THSD7A: variants seen among roughly 807,000 people sequenced by gnomAD.
THSD7A encodes the protein thrombospondin type-1 domain-containing protein 7A.
A neutral mutation model predicts 231.3 loss-of-function variants in THSD7A; 96 were observed. That is an observed-to-expected ratio of 0.41 (90% confidence interval 0.35 to 0.49). THSD7A has a LOEUF of 0.49. THSD7A is among the 20% of genes least tolerant of loss of function. The pLI, the probability that THSD7A is intolerant of heterozygous loss-of-function variation, is 0.05. For missense variants in THSD7A, 2,290 were observed against 2,070.2 expected, an observed-to-expected ratio of 1.11 and a Z score of -2.06; for synonymous variants, 940 against 743.3, an observed-to-expected ratio of 1.26 and a Z score of -4.30.
chr7:11,578,202 C>T (rs998892640), intron 4 of THSD7A, among the ~76,000 whole-genome samples: 6 of 151,972 alleles, frequency 3.9e-5, no homozygotes, highest in East Asian at 1.9e-4. Context: ...CTCAATTCAA[C>T]CAGAAAAGTA....
rs1280957513 is a variant in THSD7A, at chr7:11,462,068, G to A, written c.2444C>T (p.Thr815Ile). ...GGCCTTCTCTTCATAGAGGGGATCTGTGCAGTCTCGGCCCCCGTTGGCTGG... is the reference window on the plus strand; with the variant it reads ...GGCCTTCTCTTCATAGAGGGGATCTATGCAGTCTCGGCCCCCGTTGGCTGG... ...QLPANGGRDCTDPLYEEKACE... is the reference protein window; with the variant it reads ...QLPANGGRDCIDPLYEEKACE... Residue 815 changes from threonine (T) to isoleucine (I), a missense_variant, in exon 10 of 28, where the codon ACA (threonine) becomes ATA (isoleucine). By Grantham distance (89) the Thr-to-Ile change is moderately conservative. Coordinates refer to ENST00000423059, the MANE Select transcript of THSD7A (RefSeq NM_015204.3). 4 of 1,613,842 alleles carry A rather than the reference G, an allele frequency of 2.5e-6. No homozygotes were observed. Among genetic ancestry groups the A allele is most frequent in the Non-Finnish European group, 2.5e-6 (3 of 1,179,774 alleles).
chr7:11,599,036 T>C (rs973919972), intron 2 of THSD7A, among the ~76,000 whole-genome samples: 1 of 151,982 alleles, frequency 6.6e-6, no homozygotes, highest in African/African-American at 2.4e-5. Flanking sequence ...ATAACAGAGG[T>C]AAGGAAAAGT....
At chr7:11,659,709 T>C (rs2078585) in intron 1 of THSD7A, among the ~76,000 whole-genome samples, 1 of 151,528 alleles carries the variant, frequency 6.6e-6, no homozygotes, top group Admixed American at 6.6e-5. Flanking sequence ...ATTCCATAAA[T>C]ACTGTTAATG....
At chr7:11,741,516 GT>G (rs1469270865) in intron 1 of THSD7A, among the ~76,000 whole-genome samples, 1 of 151,790 alleles carries the variant, frequency 6.6e-6, no homozygotes, top group Non-Finnish European at 1.5e-5. Context: ...CTCACGAGTG[GT>G]TTTTTAGTCA....
intron 6 of THSD7A, among the ~76,000 whole-genome samples, chr7:11,526,074 G>A (rs1318548670): frequency 6.6e-6 from 1 of 152,166 alleles, no homozygotes; most frequent in Non-Finnish European, 1.5e-5. Context: ...CTACGTTAAA[G>A]GATCTGATTA....
chr7:11,798,267 C>T (rs980686661), intron 1 of THSD7A, among the ~76,000 whole-genome samples: 1 of 151,948 alleles, frequency 6.6e-6, no homozygotes, highest in African/African-American at 2.4e-5. Flanking sequence ...GTCAAGAGTT[C>T]AAGACCAGCC....
intron 1 of THSD7A, among the ~76,000 whole-genome samples, chr7:11,816,983 A>C (rs1784721391): frequency 6.6e-6 from 1 of 152,212 alleles, no homozygotes; most frequent in Admixed American, 6.5e-5. Flanking sequence ...TGATTCTGTC[A>C]GAAGTTTACA....
chr7:11,541,707 G>C, intron 5 of THSD7A, 76 bp from the exon 6 acceptor site: 1 of 1,390,392 alleles, frequency 7.2e-7, no homozygotes, highest in Non-Finnish European at 1.0e-6. Context: ...TAAAACCTCA[G>C]AGTAAAAGTT....
intron 4 of THSD7A, among the ~76,000 whole-genome samples, chr7:11,548,560 A>G (rs1789494632): frequency 1.3e-5 from 2 of 152,088 alleles, no homozygotes; most frequent in African/African-American, 4.8e-5. Context: ...CAACAACAAA[A>G]AAGAAAACTT....
intron 1 of THSD7A, among the ~76,000 whole-genome samples, chr7:11,782,859 T>C (rs979503044): frequency 1.3e-5 from 2 of 152,184 alleles, no homozygotes; most frequent in Non-Finnish European, 2.9e-5. Context: ...GCTGAAAGTA[T>C]ATACATTTTC....
Position 11,412,690 on chromosome 7 carries a change from G to A in THSD7A, c.3648C>T (p.Asn1216=). ...TATAATCATAGTGGTAGCAGTTTTT[G>A]TTCAGGTTACAGGGTTCTTTCTCAA... ...NAVEKEPCNL[N]KNCYHYDYNV... The change falls in exon 18 of 28, where the codon AAC becomes AAT. Residue 1216 remains asparagine, a synonymous_variant. Transcript: ENST00000423059. 1.2e-6 allele frequency: 2 copies of A among 1,613,782 alleles called. No individual in the cohort carries two copies. The highest frequency in any genetic ancestry group is 1.1e-5 in the South Asian group (1 of 91,060).
chr7:11,402,565 G>T (rs1389920267), intron 22 of THSD7A, among the ~76,000 whole-genome samples: 1 of 152,110 alleles, frequency 6.6e-6, no homozygotes, highest in Non-Finnish European at 1.5e-5. Context: ...TTTATTGAAG[G>T]ATAACAAACA....
chr7:11,831,881 G>C lies in THSD7A; in HGVS notation c.66C>G (p.Val22=), dbSNP rs1479622493. The C allele has an allele frequency of 1.3e-5, 16 of 1,254,550 alleles. No individual in the cohort carries two copies. In the Admixed American group the frequency reaches 6.8e-4, roughly 53 times the overall value. The allele number at this position is 1,254,550 out of a possible 1,614,324, so 77.7% of individuals were successfully genotyped here. The change falls in exon 1 of 28, where the codon GTC becomes GTG. Residue 22 remains valine, a synonymous_variant. Transcript: ENST00000423059. The surrounding 1 kb of genome is among the most constrained non-coding windows in gnomAD (Gnocchi z 5.0). The part of the protein sequence containing the change: ...SRGAAGPRRG[V]LQLLPLPLPL... ...GCAGCGGCAGCGGCAGCAGCTGCAG[G>C]ACGCCCCGGCGCGGCCCCGCAGCGC...
intron 19 of THSD7A, among the ~76,000 whole-genome samples, chr7:11,409,711 G>C (rs1562587532): frequency 6.6e-6 from 1 of 152,062 alleles, no homozygotes; most frequent in Admixed American, 6.6e-5. Context: ...AAGCTCTCCA[G>C]CCAGTATATG....
chr7:11,485,555 T>C (rs1413666182), intron 6 of THSD7A, among the ~76,000 whole-genome samples: 2 of 152,124 alleles, frequency 1.3e-5, no homozygotes, highest in Admixed American at 1.3e-4. Context: ...ATCTATTTTT[T>C]ACTTTAAAAG....
chr7:11,765,056 C>CTTTTTTTTTTTTTTTTT (rs1325721663), intron 1 of THSD7A, among the ~76,000 whole-genome samples: 2 of 151,728 alleles, frequency 1.3e-5, no homozygotes, highest in Non-Finnish European at 2.9e-5. Context: ...ATGTATAAAT[C>CTTTTTTTTTTTTTTTTT]TTTTTATTAA....
intron 13 of THSD7A, among the ~76,000 whole-genome samples, chr7:11,439,089 G>T (rs1183557371): frequency 6.6e-6 from 1 of 151,752 alleles, no homozygotes; most frequent in Non-Finnish European, 1.5e-5. Flanking sequence ...AATTAATATG[G>T]AATTCCTTCA....
chr7:11,660,017 T>A (rs557101580), intron 1 of THSD7A, among the ~76,000 whole-genome samples: 2 of 151,480 alleles, frequency 1.3e-5, no homozygotes, highest in African/African-American at 2.4e-5. Context: ...TACATGTGTA[T>A]TAAAAATTTA....
At chr7:11,719,684 A>C (rs908090210) in intron 1 of THSD7A, among the ~76,000 whole-genome samples, 1 of 151,484 alleles carries the variant, frequency 6.6e-6, no homozygotes, top group Non-Finnish European at 1.5e-5. Context: ...AACCAGGTCT[A>C]CTCCACATTT....
Sources: gnomAD v4.1 joint callset for allele counts (sites outside exome capture counted in the v4.1 genomes callset) on GRCh38, gnomAD v4.1.1 for gene constraint, Gnocchi (gnomAD v3.1) non-coding constraint, MANE v1.5 for transcripts, NCBI Gene and HGNC (gene_info 2026-07-23, HGNC 2026-07-21) for gene names.